TAF2: variants seen among roughly 807,000 people sequenced by gnomAD.
TAF2 encodes the protein TATA-box binding protein associated factor 2.
In TAF2, 61 loss-of-function variants were observed where a neutral mutation model predicts 138.5. The observed-to-expected ratio is 0.44, with a 90% confidence interval of 0.36 to 0.54. The LOEUF (loss-of-function observed/expected upper bound fraction) is 0.54. Ranked by LOEUF, TAF2 falls within the 20% of genes least tolerant of loss-of-function variation. TAF2 has a pLI of 0.00. For synonymous variants in TAF2, 475 were observed against 469.9 expected, an observed-to-expected ratio of 1.01 and a Z score of -0.14; for missense variants, 1,090 against 1,427.9, an observed-to-expected ratio of 0.76 and a Z score of 3.81.
chr8:119,789,480 A>G (rs1340796148), intron 12 of TAF2, 112 bp downstream of exon 12: 4 of 1,276,892 alleles, frequency 3.1e-6, no homozygotes, highest in Non-Finnish European at 4.5e-6. Context: ...TTAGAAATAT[A>G]AACAGTTCAT....
chr8:119,758,763 C>T (rs964824117), intron 20 of TAF2, among the ~76,000 whole-genome samples: 13 of 152,100 alleles, frequency 8.5e-5, no homozygotes, highest in Non-Finnish European at 1.5e-5. Flanking sequence ...CAATACTTTT[C>T]ATTTCTTCCA....
chr8:119,808,798 CTCT>C (rs1183885945), intron 3 of TAF2, among the ~76,000 whole-genome samples: 1 of 152,206 alleles, frequency 6.6e-6, no homozygotes, highest in Admixed American at 6.5e-5. Context: ...ATTGAAAGGA[CTCT>C]TCTTCTGACC....
chr8:119,744,231 A>T, intron 24 of TAF2, 57 bp downstream of exon 24: 1 of 1,409,146 alleles, frequency 7.1e-7, no homozygotes, highest in Non-Finnish European at 1.0e-6. Context: ...ACACATTAGA[A>T]TACTGACATC....
At chr8:119,812,393 C>T (rs1327906118) in intron 3 of TAF2, among the ~76,000 whole-genome samples, 1 of 151,240 alleles carries the variant, frequency 6.6e-6, no homozygotes, top group African/African-American at 2.4e-5. Flanking sequence ...ATGAATTTTA[C>T]AATAGGAATG....
At chr8:119,801,065 G>A (rs1226532084) in intron 6 of TAF2, among the ~76,000 whole-genome samples, 1 of 152,144 alleles carries the variant, frequency 6.6e-6, no homozygotes, top group African/African-American at 2.4e-5. Flanking sequence ...TTCTAACTCT[G>A]TCTGTTTTCC....
intron 4 of TAF2, among the ~76,000 whole-genome samples, chr8:119,805,423 T>C (rs1824554397): frequency 6.6e-6 from 1 of 152,124 alleles, no homozygotes; most frequent in African/African-American, 2.4e-5. Context: ...ATATTTTTCA[T>C]GGCCAGGCGC....
chr8:119,753,342 G>A (rs957324330), intron 22 of TAF2, among the ~76,000 whole-genome samples: 3 of 151,988 alleles, frequency 2.0e-5, no homozygotes, highest in African/African-American at 7.3e-5. Flanking sequence ...AATAAAAAAA[G>A]TATTTCTTAG....
intron 6 of TAF2, among the ~76,000 whole-genome samples, chr8:119,801,170 T>C (rs748069833): frequency 6.6e-6 from 1 of 152,150 alleles, no homozygotes; most frequent in African/African-American, 2.4e-5. Flanking sequence ...TTCAAAAACA[T>C]GATAAATGAA....
intron 12 of TAF2, among the ~76,000 whole-genome samples, chr8:119,789,113 A>C (rs1233266458): frequency 6.6e-6 from 1 of 152,242 alleles, no homozygotes; most frequent in Non-Finnish European, 1.5e-5. Flanking sequence ...AAACACTGAC[A>C]AATTTGTGTT....
Position 119,832,471 on chromosome 8 carries a change from A to G in TAF2, c.83+11T>C. 1 of 1,613,278 alleles carries G rather than the reference A, an allele frequency of 6.2e-7. No individual in the cohort carries two copies. The stretch of plus-strand genomic sequence containing the variant: ...ACCAAAAGGAAGGAAGGGAAATGAA[A>G]AAATACTTATAATTTATATGGCCTT... On this transcript the variant is annotated intron_variant, in intron 1 of 25. Transcript: ENST00000378164.
intron 2 of TAF2, among the ~76,000 whole-genome samples, chr8:119,823,291 T>C (rs1440073700): frequency 1.3e-5 from 2 of 152,228 alleles, no homozygotes; most frequent in Admixed American, 1.3e-4. Flanking sequence ...CAGTCATCAT[T>C]CCACTGAAGT....
At chr8:119,755,074 T>G (rs2088812262) in intron 22 of TAF2, among the ~76,000 whole-genome samples, 1 of 152,244 alleles carries the variant, frequency 6.6e-6, no homozygotes, top group African/African-American at 2.4e-5. Flanking sequence ...ACCTACATTT[T>G]ACAAATGAAA....
At position 119,785,270 on chromosome 8, in the gene TAF2, C is replaced by T; in HGVS notation, c.1794-4G>A. 2.5e-6 allele frequency: 4 copies of T among 1,606,700 alleles called. No individual in the cohort carries two copies. The highest frequency in any genetic ancestry group is 1.1e-5 in the South Asian group (1 of 90,746). ...TGGGATTTTTTTCTTTTTATTCCTA[C>T]ATTTAAGAAAAAGTAGGTTGGAAAA... On this transcript the variant is annotated splice_region_variant and splice_polypyrimidine_tract_variant and intron_variant, in intron 14 of 25. Coordinates refer to ENST00000378164, the MANE Select transcript of TAF2 (RefSeq NM_003184.4).
chr8:119,794,395 CAAAA>C (rs147358018), intron 9 of TAF2, among the ~76,000 whole-genome samples: 1 of 119,100 alleles, frequency 8.4e-6, no homozygotes. Flanking sequence ...GACTCCGTCT[CAAAA>C]AAAAAAAAAA....
At chr8:119,819,638 G>A (rs1825698537) in intron 2 of TAF2, 132 bp from the exon 3 acceptor site, 1 of 711,454 alleles carries the variant, frequency 1.4e-6, no homozygotes, top group East Asian at 2.7e-5. Flanking sequence ...ACATACATAT[G>A]CTCTCCAAGT....
In TAF2 at chr8:119,756,057, G is replaced by A. The variant is rs367705071; in HGVS notation, c.2827C>T (p.Pro943Ser). 1.1e-4 allele frequency: 181 copies of A among 1,613,594 alleles called. No individual in the cohort carries two copies. Among genetic ancestry groups the A allele is most frequent in the Non-Finnish European group, 1.4e-4 (167 of 1,179,840 alleles). The change falls in exon 22 of 26, where the codon CCC becomes TCC. Residue 943 changes from proline to serine, a missense_variant. By Grantham distance (74) the Pro-to-Ser change is moderately conservative. This residue lies in a region of TAF2 where 580 missense variants were observed against 719.6 expected (regional missense o/e 0.81). Transcript: ENST00000378164. Reference protein sequence around the residue: ...NPPFTKNMESPLCNEALVDQL... With the variant: ...NPPFTKNMESSLCNEALVDQL... ...TCTACCAGGGCTTCATTGCATAAGG[G>A]AGACTCCATGTTCTTAGTAAATGGT...
Position 119,797,789 on chromosome 8 carries a change from G to A in TAF2, c.850C>T (p.Leu284Phe), listed in dbSNP as rs1233619534. ...LPLLKHTTSYLHEVFEFYEEI... is the reference protein window; with the variant it reads ...LPLLKHTTSYFHEVFEFYEEI... ...TCATAAAATTCAAAGACTTCATGAA[G>A]GTATGATGTGGTATGTTTCAGCAAT... Residue 284 changes from leucine to phenylalanine, a missense_variant, in exon 7 of 26, where the codon CTT (leucine) becomes TTT (phenylalanine). Leu to Phe is a conservative substitution (Grantham distance 22, BLOSUM62 0). Around this residue, in one of 3 missense-constraint regions of TAF2, gnomAD observed 504 missense variants for 680.9 expected, o/e 0.74. Coordinates refer to ENST00000378164, the MANE Select transcript of TAF2 (RefSeq NM_003184.4). 1 of 1,613,336 alleles carries A rather than the reference G, an allele frequency of 6.2e-7. No individual in the cohort carries two copies. Among genetic ancestry groups the A allele is most frequent in the Non-Finnish European group, 8.5e-7 (1 of 1,179,650 alleles).
At chr8:119,806,463 TTC>T in intron 3 of TAF2, 62 bp from the exon 4 acceptor site, 1 of 1,253,646 alleles carries the variant, frequency 8.0e-7, no homozygotes, top group South Asian at 1.3e-5. Context: ...GCATTTTTCT[TTC>T]TTTCTTTTTT....
intron 3 of TAF2, 74 bp from the exon 4 acceptor site, chr8:119,806,475 T>A: frequency 2.0e-6 from 2 of 1,009,570 alleles, no homozygotes; most frequent in Non-Finnish European, 2.9e-6. Flanking sequence ...CTTTCTTTTT[T>A]TTTTTTTTTT....
Sources: allele counts gnomAD v4.1 joint callset (sites outside exome capture counted in the v4.1 genomes callset), GRCh38; gene constraint gnomAD v4.1.1; regional missense constraint gnomAD v4.1.1; transcripts MANE v1.5; gene names NCBI Gene and HGNC (gene_info 2026-07-23, HGNC 2026-07-21).